The following TMED8 variants were observed in gnomAD, a reference collection of about 807,000 sequenced individuals.
TMED8 encodes transmembrane p24 trafficking protein family member 8, also known as protein TMED8.
Under a neutral mutation model 32.7 loss-of-function variants are expected in TMED8, and 15 were observed. The ratio of observed to expected loss-of-function variants is 0.46; its 90% CI spans 0.31 to 0.71. The LOEUF is 0.71. Among genes scored for constraint, TMED8 ranks in the 30% least tolerant of loss-of-function variants. The pLI, the probability that TMED8 is intolerant of heterozygous loss-of-function variation, is 0.06. For synonymous variants in TMED8, 147 were observed against 161.4 expected (o/e 0.91, Z 0.68); for missense variants, 390 against 423.9 (o/e 0.92, Z 0.70).
At chr14:77,347,485 C>T (rs1226182918) in intron 2 of TMED8, among the ~76,000 whole-genome samples, 5 of 152,230 alleles carry the variant, frequency 3.3e-5, no homozygotes, top group African/African-American at 4.8e-5. Context: ...ACCAGTGATG[C>T]ATCTCACCAC....
rs115936319 is a variant in TMED8, at chr14:77,364,922, C to T, written c.118+12014G>A. On this transcript the variant is annotated intron_variant, in intron 1 of 5. Transcript: ENST00000216468. ...CTGCTGCCATTCTATAGATAGAACA[C>T]GATGAAACACTACTGTTTTAATTTG... 7.3e-3 allele frequency among the ~76,000 whole-genome samples: 1,109 copies of T among 152,190 alleles called. 12 individuals are homozygous for T. Among genetic ancestry groups the T allele is most frequent in the African/African-American group, 0.025 (1,036 of 41,508 alleles).
chr14:77,343,612 T>G, intron 4 of TMED8, 85 bp downstream of exon 4: 1 of 1,589,694 alleles, frequency 6.3e-7, no homozygotes, highest in Non-Finnish European at 8.6e-7. Context: ...CAAGTCATTT[T>G]CTTTCCTTCC....
Position 77,335,792 on chromosome 14 carries a change from T to C in TMED8, c.*5979A>G, listed in dbSNP as rs1892748076. 1 of 152,214 alleles carries C rather than the reference T, an allele frequency of 6.6e-6. No individual in the cohort carries two copies. Among genetic ancestry groups the C allele is most frequent in the Non-Finnish European group, 1.5e-5 (1 of 68,028 alleles). 9.4% of individuals were successfully genotyped at this position (152,214 alleles called of 1,614,324 possible). On this transcript the variant is annotated 3_prime_UTR_variant, in exon 6 of 6. Transcript: ENST00000216468. ...GCTTTCTCTAGACTTGGCTTCTCTT[T>C]AACATGGCTAAATGGAAATAATTTA...
rs562317403 is a variant in TMED8 at position 77,335,574 on chromosome 14, T to C, written c.*6197A>G. ...GCACCAAAGAAAGCCCTTCAGAAAA[T>C]AGAAGCTAAATGACATAAAGTAGTT... is the stretch of plus-strand genomic sequence containing the variant. On this transcript the variant is annotated 3_prime_UTR_variant, in exon 6 of 6. Transcript: ENST00000216468. 9.2e-5 allele frequency: 14 copies of C among 152,256 alleles called. No homozygotes were observed. Among genetic ancestry groups the C allele is most frequent in the African/African-American group, 2.9e-4 (12 of 41,570 alleles). The allele number at this position is 152,256 out of a possible 1,614,324, so 9.4% of individuals were successfully genotyped here.
chr14:77,355,819 G>A (rs1250298065), intron 1 of TMED8, among the ~76,000 whole-genome samples: 2 of 152,156 alleles, frequency 1.3e-5, no homozygotes, highest in Non-Finnish European at 2.9e-5. Context: ...GGTTTCCGGT[G>A]AGCACCTGCC....
At chr14:77,365,325 G>C (rs1893528562) in intron 1 of TMED8, among the ~76,000 whole-genome samples, 2 of 152,160 alleles carry the variant, frequency 1.3e-5, no homozygotes, top group African/African-American at 4.8e-5. Context: ...GCCTAGTGAG[G>C]AAGATAAACT....
At position 77,341,532 on chromosome 14, in the gene TMED8, T is replaced by C; in HGVS notation, c.*239A>G. 1 of 554,288 alleles carries C rather than the reference T, an allele frequency of 1.8e-6. No individual in the cohort carries two copies. The highest frequency in any genetic ancestry group is 3.2e-6 in the Non-Finnish European group (1 of 308,666). 34.3% of individuals were successfully genotyped at this position (554,288 alleles called of 1,614,324 possible). A position where few individuals can be genotyped will look rare whatever the true frequency, so the allele number is the denominator to read the frequency against. On this transcript the variant is annotated 3_prime_UTR_variant, in exon 6 of 6. Transcript: ENST00000216468. ...TAGGTGCCTTCAAGAGGGAATTTGCTGGAGTCTGAAGCAAGAAGGGTATGA... is the reference window on the plus strand; with the variant it reads ...TAGGTGCCTTCAAGAGGGAATTTGCCGGAGTCTGAAGCAAGAAGGGTATGA...
Position 77,341,751 on chromosome 14 carries a change from GC to G in TMED8, c.*19del, listed in dbSNP as rs1407624356. 2 of 1,612,750 alleles carry G rather than the reference GC, an allele frequency of 1.2e-6. No homozygotes were observed. The highest frequency in any genetic ancestry group is 1.7e-6 in the Non-Finnish European group (2 of 1,178,892). ...CTGCTTCAGCCAGCAAATACAGCCT[GC>G]CCCTGTCCCAGCAGTCCTTCAGCTG... On this transcript the variant is annotated 3_prime_UTR_variant, in exon 6 of 6. Transcript: ENST00000216468.
At chr14:77,348,273 G>C (rs928435729) in intron 2 of TMED8, among the ~76,000 whole-genome samples, 2 of 151,472 alleles carry the variant, frequency 1.3e-5, no homozygotes, top group Non-Finnish European at 2.9e-5. Flanking sequence ...GCCCAGGCTG[G>C]AGTGCAGTGG....
chr14:77,353,904 G>A (rs1298046888), intron 1 of TMED8, among the ~76,000 whole-genome samples: 2 of 152,190 alleles, frequency 1.3e-5, no homozygotes, highest in Non-Finnish European at 2.9e-5. Flanking sequence ...GAGGGAAAAT[G>A]CAAAGAGAAA....
chr14:77,376,794 A>C lies in TMED8; in HGVS notation c.118+142T>G. On this transcript the variant is annotated intron_variant, in intron 1 of 5. Coordinates refer to ENST00000216468, the MANE Select transcript of TMED8 (RefSeq NM_213601.3). The surrounding 1 kb of genome is among the most constrained non-coding windows in gnomAD (Gnocchi z 4.0). ...GCCCGGGTGGTGGCAGCGGCGGGGA[A>C]GGGGCCCCGCGCGCGAAGGGGCTGC... The C allele has an allele frequency of 1.3e-5, 5 of 391,738 alleles. No individual in the cohort carries two copies. Among genetic ancestry groups the C allele is most frequent in the South Asian group, 1.2e-4 (1 of 8,056 alleles). The allele number at this position is 391,738 out of a possible 1,614,324, so 24.3% of individuals were successfully genotyped here. A position where few individuals can be genotyped will look rare whatever the true frequency, so the allele number is the denominator to read the frequency against.
intron 1 of TMED8, among the ~76,000 whole-genome samples, chr14:77,355,788 T>C (rs1893278457): frequency 6.6e-6 from 1 of 152,194 alleles, no homozygotes; most frequent in Admixed American, 6.5e-5. Context: ...TCAAGGTACA[T>C]TGTGTTGGCC....
intron 5 of TMED8, among the ~76,000 whole-genome samples, chr14:77,342,632 CA>C (rs1220561906): frequency 6.6e-6 from 1 of 152,178 alleles, no homozygotes; most frequent in Non-Finnish European, 1.5e-5. Flanking sequence ...GCCTCTGGGC[CA>C]TCCTTTGTGT....
At position 77,377,005 on chromosome 14, in the gene TMED8, C is replaced by T. The variant is rs571729635; in HGVS notation, c.49G>A (p.Ala17Thr). The change falls in exon 1 of 6, where the codon GCC becomes ACC. Residue 17 changes from alanine to threonine, a missense_variant. Ala to Thr is a moderately conservative substitution (Grantham distance 58). Coordinates refer to ENST00000216468, the MANE Select transcript of TMED8 (RefSeq NM_213601.3). ...AEGPGSWSPT[A>T]RPGSAGGVGD... ...ACGCCGCCAGCCGACCCTGGGCGGGCTGTGGGGCTCCAGGAGCCCGGCCCC... is the reference window on the plus strand; with the variant it reads ...ACGCCGCCAGCCGACCCTGGGCGGGTTGTGGGGCTCCAGGAGCCCGGCCCC... 3.9e-5 allele frequency: 55 copies of T among 1,426,596 alleles called. 1 individual carries two copies. The South Asian group carries it at 7.7e-4, about 20-fold the overall frequency. 88.4% of individuals were successfully genotyped at this position (1,426,596 alleles called of 1,614,324 possible). A position where few individuals can be genotyped will look rare whatever the true frequency, so the allele number is the denominator to read the frequency against.
At chr14:77,356,912 G>A (rs575008489) in intron 1 of TMED8, among the ~76,000 whole-genome samples, 76 of 152,206 alleles carry the variant, frequency 5.0e-4, no homozygotes, top group South Asian at 1.2e-3. Context: ...GCCTTTTCAC[G>A]GTATCACTTA....
Position 77,339,965 on chromosome 14 carries a change from C to T in TMED8, c.*1806G>A, listed in dbSNP as rs1293879326. On this transcript the variant is annotated 3_prime_UTR_variant, in exon 6 of 6. Transcript: ENST00000216468. Reference sequence around the variant, plus strand: ...AGTTATGCTACTGTAGGGATAGACCCTTGGTGTGAGGAATCTAACAATGAG... The same window carrying T: ...AGTTATGCTACTGTAGGGATAGACCTTTGGTGTGAGGAATCTAACAATGAG... 1 of 111,688 alleles carries T rather than the reference C, an allele frequency of 9.0e-6. No individual in the cohort carries two copies. Among genetic ancestry groups the T allele is most frequent in the Non-Finnish European group, 1.8e-5 (1 of 54,862 alleles). The allele number at this position is 111,688 out of a possible 1,614,324, so 6.9% of individuals were successfully genotyped here. A position where few individuals can be genotyped will look rare whatever the true frequency, so the allele number is the denominator to read the frequency against.
intron 1 of TMED8, among the ~76,000 whole-genome samples, chr14:77,367,240 TA>T (rs56707120): frequency 0.075 from 1,868 of 25,066 alleles, 14 homozygotes; most frequent in African/African-American, 0.21. Flanking sequence ...AGACTCTGTC[TA>T]AAAAAAAAAA....
At chr14:77,363,801 G>A (rs1893491229) in intron 1 of TMED8, among the ~76,000 whole-genome samples, 1 of 151,692 alleles carries the variant, frequency 6.6e-6, no homozygotes, top group Non-Finnish European at 1.5e-5. Context: ...GGATTTAGGT[G>A]CATGCCACCA....
chr14:77,345,176 G>A (rs1006714295), intron 3 of TMED8, among the ~76,000 whole-genome samples: 3 of 152,098 alleles, frequency 2.0e-5, no homozygotes, highest in African/African-American at 7.2e-5. Flanking sequence ...TAGTAGAGAT[G>A]GGGTTTTTCC....
Sources: gnomAD v4.1 joint callset for allele counts (sites outside exome capture counted in the v4.1 genomes callset) on GRCh38, gnomAD v4.1.1 for gene constraint, Gnocchi (gnomAD v3.1) non-coding constraint, MANE v1.5 for transcripts, NCBI Gene and HGNC (gene_info 2026-07-23, HGNC 2026-07-21) for gene names.